Variants in TUBD1 observed in about 807,000 individuals in gnomAD.
The protein encoded by TUBD1 is tubulin delta 1, also known as tubulin delta chain.
A neutral mutation model predicts 51.2 loss-of-function variants in TUBD1; 38 were observed. That is an observed-to-expected ratio of 0.74 (90% CI 0.57 to 0.97). TUBD1 has a LOEUF of 0.97. TUBD1 is among the 50% of genes least tolerant of loss of function. TUBD1 has a pLI of 0.00. For synonymous variants in TUBD1, 169 were observed against 178.2 expected, an observed-to-expected ratio of 0.95 and a Z score of 0.41; for missense variants, 489 against 538.4, an observed-to-expected ratio of 0.91 and a Z score of 0.91.
intron 8 of TUBD1, among the ~76,000 whole-genome samples, 178 bp downstream of exon 8, chr17:59,863,486 G>A (rs1174718322): frequency 6.6e-6 from 1 of 152,008 alleles, no homozygotes; most frequent in Non-Finnish European, 1.5e-5. Flanking sequence ...GTAGGCGCCT[G>A]TAATCCCAGC....
chr17:59,878,219 T>G lies in TUBD1; in HGVS notation c.653A>C (p.Asn218Thr), dbSNP rs2040313443. 2 of 1,614,046 alleles carry G rather than the reference T, an allele frequency of 1.2e-6. No individual in the cohort carries two copies. The highest frequency in any genetic ancestry group is 1.3e-5 in the African/African-American group (1 of 74,934). Residue 218 changes from asparagine to threonine, a missense_variant, in exon 5 of 9, where the codon AAT (asparagine) becomes ACT (threonine). By Grantham distance (65) the Asn-to-Thr change is moderately conservative. Coordinates refer to ENST00000325752, the MANE Select transcript of TUBD1 (RefSeq NM_016261.4). The part of the protein sequence containing the change: ...AIHKICAKLM[N>T]IKQISFSDIN... ...ATCACTAAAGGAGATCTGCTTGATA[T>G]TCATCAGTTTTGCACAGATCTTATG...
In TUBD1 at chr17:59,889,010, C is replaced by CTTTTTTTTT. The variant is rs756097623; in HGVS notation, c.172+1812_172+1820dup. ...TACAGGGATGAGCCACCATGCCTGG[C>CTTTTTTTTT]TTTTTTTTTTTTTTTTTTTTTTTGA... On this transcript the variant is annotated intron_variant, in intron 2 of 8. Coordinates refer to ENST00000325752, the MANE Select transcript of TUBD1 (RefSeq NM_016261.4). Among the ~76,000 whole-genome samples, 4 of 55,796 alleles carry CTTTTTTTTT rather than the reference C, an allele frequency of 7.2e-5. 1 individual carries two copies. The highest frequency in any genetic ancestry group is 1.2e-3 in the East Asian group (2 of 1,658). The allele number at this position is 55,796 out of a possible 152,430, so 36.6% of individuals were successfully genotyped here. A position where few individuals can be genotyped will look rare whatever the true frequency, so the allele number is the denominator to read the frequency against.
At chr17:59,872,917 G>A (rs1293523137) in intron 6 of TUBD1, among the ~76,000 whole-genome samples, 2 of 151,878 alleles carry the variant, frequency 1.3e-5, no homozygotes, top group East Asian at 3.9e-4. Flanking sequence ...CTGCCACCAC[G>A]CCCGGCTAAT....
rs371178578 is a variant in TUBD1 at position 59,866,681 on chromosome 17, C to G, written c.1003G>C (p.Asp335His). Residue 335 changes from aspartate (D) to histidine (H), a missense_variant, in exon 7 of 9, where the codon GAC becomes CAC. Asp to His is a moderately conservative substitution (Grantham distance 81). Transcript: ENST00000325752. Reference sequence around the variant, plus strand: ...GCAATGGAAGTGTTAAAATGCAGGTCCTTGTTGAGAGACATTTTACTAAGA... The same window carrying G: ...GCAATGGAAGTGTTAAAATGCAGGTGCTTGTTGAGAGACATTTTACTAAGA... ...PPLSKMSLNK[D>H]LHFNTSIANL... The G allele has an allele frequency of 1.3e-5, 21 of 1,614,112 alleles. No individual in the cohort carries two copies. Among genetic ancestry groups the G allele is most frequent in the South Asian group, 4.4e-5 (4 of 91,082 alleles).
rs905664515 is a variant in TUBD1 at position 59,878,292 on chromosome 17, A to C, written c.580T>G (p.Leu194Val). The C allele has an allele frequency of 1.9e-6, 3 of 1,613,952 alleles. No homozygotes were observed. The highest frequency in any genetic ancestry group is 2.7e-5 in the African/African-American group (2 of 74,910). ...NYNSILTLSH[L>V]YRSSDALLLH... The stretch of plus-strand genomic sequence containing the variant: ...AGGAGGGCGTCTGAAGATCGGTACA[A>C]GTGAGAAAGTGTCAAAATGGAGTTG... The change falls in exon 5 of 9, where the codon TTG becomes GTG. Residue 194 changes from leucine to valine, a missense_variant. Coordinates refer to ENST00000325752, the MANE Select transcript of TUBD1 (RefSeq NM_016261.4).
At position 59,891,004 on chromosome 17, in the gene TUBD1, C is replaced by T. The variant is rs2040975254; in HGVS notation, c.-2G>A. 1.2e-6 allele frequency: 2 copies of T among 1,607,984 alleles called. No individual in the cohort carries two copies. The highest frequency in any genetic ancestry group is 1.7e-5 in the Admixed American group (1 of 58,576). ...AAGTTGCACTGTTACAATTGACATG[C>T]TGAGCCACAAACTAGGTGTATTACC... On this transcript the variant is annotated 5_prime_UTR_variant, in exon 2 of 9. Transcript: ENST00000325752.
At chr17:59,881,479 A>G (rs1263363780) in intron 3 of TUBD1, among the ~76,000 whole-genome samples, 2 of 152,218 alleles carry the variant, frequency 1.3e-5, no homozygotes. Flanking sequence ...CAGAGTATAG[A>G]AAGTTCTCTT....
chr17:59,876,069 G>A (rs1013815888), intron 5 of TUBD1, among the ~76,000 whole-genome samples: 2 of 152,094 alleles, frequency 1.3e-5, no homozygotes, highest in Non-Finnish European at 2.9e-5. Context: ...CTAATGGAGT[G>A]TCCTCTAAAT....
At chr17:59,878,025 G>T in intron 5 of TUBD1, 78 bp downstream of exon 5, 1 of 1,118,476 alleles carries the variant, frequency 8.9e-7, no homozygotes. Context: ...TCAGGCAGAG[G>T]AGGAGACAGA....
chr17:59,866,251 T>C (rs1178242195), intron 7 of TUBD1, among the ~76,000 whole-genome samples: 2 of 147,788 alleles, frequency 1.4e-5, no homozygotes, highest in African/African-American at 2.5e-5. Flanking sequence ...TTTTTTTTAA[T>C]AGAGACAGGG....
intron 3 of TUBD1, chr17:59,885,447 T>G: frequency 6.8e-7 from 1 of 1,474,980 alleles, no homozygotes; most frequent in Non-Finnish European, 9.5e-7. Flanking sequence ...ATATGTACCC[T>G]GTCTACCAGC....
chr17:59,878,279 GAAGA>G lies in TUBD1; in HGVS notation c.589_592del (p.Ser197GlnfsTer19). On this transcript the variant is annotated frameshift_variant, in exon 5 of 9. Transcript: ENST00000325752. LOFTEE classifies it high-confidence loss of function. ...ATTCTCATGAAGAAGGAGGGCGTCTGAAGATCGGTACAAGTGAGAAAGTGTCAAA... is the reference window on the plus strand; with the variant it reads ...ATTCTCATGAAGAAGGAGGGCGTCTGTCGGTACAAGTGAGAAAGTGTCAAA... The G allele has an allele frequency of 6.2e-7, 1 of 1,614,108 alleles. No homozygotes were observed. The highest frequency in any genetic ancestry group is 8.5e-7 in the Non-Finnish European group (1 of 1,180,030).
intron 8 of TUBD1, 93 bp downstream of exon 8, chr17:59,863,571 C>G (rs925578534): frequency 3.8e-6 from 4 of 1,051,404 alleles, no homozygotes; most frequent in Non-Finnish European, 5.1e-6. Flanking sequence ...GAGCCAAGAT[C>G]GTGCCACTGC....
intron 2 of TUBD1, among the ~76,000 whole-genome samples, chr17:59,890,534 G>A (rs143860012): frequency 5.9e-5 from 9 of 152,250 alleles, no homozygotes; most frequent in African/African-American, 2.2e-4. Flanking sequence ...GAGCCACCAC[G>A]CCCAGCCAGC....
intron 5 of TUBD1, among the ~76,000 whole-genome samples, chr17:59,877,755 G>A (rs972865595): frequency 6.7e-6 from 1 of 148,730 alleles, no homozygotes; most frequent in African/African-American, 2.5e-5. Flanking sequence ...TCCAGCCTGG[G>A]CAACAGAGTG....
chr17:59,875,207 G>A (rs932090638), intron 5 of TUBD1, among the ~76,000 whole-genome samples: 1 of 149,186 alleles, frequency 6.7e-6, no homozygotes, highest in African/African-American at 2.5e-5. Flanking sequence ...CTCCTGAGTA[G>A]CTGAGACTAC....
At chr17:59,891,085 A>G in intron 1 of TUBD1, 44 bp from the exon 2 acceptor site, 2 of 999,376 alleles carry the variant, frequency 2.0e-6, no homozygotes, top group Non-Finnish European at 1.5e-6. Context: ...TACATTACTA[A>G]TAAGAACAAA....
chr17:59,884,509 G>A (rs1221360272), intron 3 of TUBD1, among the ~76,000 whole-genome samples: 5 of 151,720 alleles, frequency 3.3e-5, no homozygotes, highest in Non-Finnish European at 7.4e-5. Context: ...AGCTACTCGG[G>A]AAGCTGAGGC....
chr17:59,878,246 AT>A lies in TUBD1; in HGVS notation c.625del (p.Ile209SerfsTer8). On this transcript the variant is annotated frameshift_variant, in exon 5 of 9. Transcript: ENST00000325752. LOFTEE classifies it high-confidence loss of function. ...CATCAGTTTTGCACAGATCTTATGG[AT>A]GGCATCATTCTCATGAAGAAGGAGG... is the stretch of plus-strand genomic sequence containing the variant. The part of the protein sequence containing the change: ...DALLLHENDA[I>X]HKICAKLMNI... 1 of 1,614,106 alleles carries A rather than the reference AT, an allele frequency of 6.2e-7. No homozygotes were observed. Among genetic ancestry groups the A allele is most frequent in the Non-Finnish European group, 8.5e-7 (1 of 1,180,026 alleles).
Sources: gnomAD v4.1 joint callset for allele counts (sites outside exome capture counted in the v4.1 genomes callset) on GRCh38, gnomAD v4.1.1 for gene constraint, MANE v1.5 for transcripts, NCBI Gene and HGNC (gene_info 2026-07-23, HGNC 2026-07-21) for gene names.